The following MACROD2 variants were observed in gnomAD, a reference collection of about 807,000 sequenced individuals.
MACROD2 encodes ADP-ribose glycohydrolase MACROD2.
MACROD2 carries 36 observed loss-of-function variants against 70.4 expected under a neutral mutation model. The observed-to-expected ratio is 0.51, with a 90% CI of 0.39 to 0.68. The LOEUF (loss-of-function observed/expected upper bound fraction) is 0.68. MACROD2 is among the 30% of genes least tolerant of loss of function. The probability of loss-of-function intolerance (pLI) is 0.00; values close to 1 mark genes in which losing one functional copy is unlikely to be tolerated. For missense variants in MACROD2, 496 were observed against 538.4 expected, an observed-to-expected ratio of 0.92 and a Z score of 0.78; for synonymous variants, 172 against 178.8, an observed-to-expected ratio of 0.96 and a Z score of 0.30.
At chr20:14,207,586 G>C (rs1229254363) in intron 3 of MACROD2, among the ~76,000 whole-genome samples, 1 of 152,162 alleles carries the variant, frequency 6.6e-6, no homozygotes, top group African/African-American at 2.4e-5. Context: ...AGAATTCTGT[G>C]AGGAATTCCT....
chr20:14,529,918 G>C (rs193120218), intron 4 of MACROD2, among the ~76,000 whole-genome samples: 1 of 152,150 alleles, frequency 6.6e-6, no homozygotes, highest in Non-Finnish European at 1.5e-5. Context: ...CCATGTTTTA[G>C]GTTGGGTTGC....
intron 3 of MACROD2, among the ~76,000 whole-genome samples, chr20:14,128,802 T>C (rs2054683825): frequency 6.6e-6 from 1 of 152,152 alleles, no homozygotes; most frequent in Admixed American, 6.5e-5. Flanking sequence ...TGATGCTGAA[T>C]CTACTCTGCC....
chr20:15,950,697 A>G (rs1221187009), intron 12 of MACROD2, among the ~76,000 whole-genome samples: 1 of 152,154 alleles, frequency 6.6e-6, no homozygotes, highest in Non-Finnish European at 1.5e-5. Context: ...AGATATTCCC[A>G]TGTTTAAAAT....
chr20:15,712,649 C>T (rs1195912142), intron 8 of MACROD2, among the ~76,000 whole-genome samples: 1 of 152,178 alleles, frequency 6.6e-6, no homozygotes, highest in Non-Finnish European at 1.5e-5. Context: ...ATTTTGGCTT[C>T]CAGTGCCTGT....
chr20:14,055,348 A>C (rs1236118594), intron 2 of MACROD2, among the ~76,000 whole-genome samples: 2 of 151,826 alleles, frequency 1.3e-5, no homozygotes, highest in East Asian at 3.9e-4. Flanking sequence ...CGATTTCCAA[A>C]AATGCATTAA....
chr20:14,606,719 T>C (rs191468123), intron 4 of MACROD2, among the ~76,000 whole-genome samples: 1 of 152,150 alleles, frequency 6.6e-6, no homozygotes, highest in Non-Finnish European at 1.5e-5. Context: ...TAAAATTTTT[T>C]TGTGTGTGTG....
chr20:14,501,796 C>A (rs1371784490), intron 4 of MACROD2, among the ~76,000 whole-genome samples: 1 of 152,034 alleles, frequency 6.6e-6, no homozygotes, highest in East Asian at 1.9e-4. Context: ...GGTAAAAATT[C>A]TAGGCTCTTA....
intron 5 of MACROD2, among the ~76,000 whole-genome samples, chr20:15,146,483 AAT>A (rs1474963825): frequency 1.3e-5 from 2 of 152,134 alleles, no homozygotes; most frequent in East Asian, 3.8e-4. Context: ...ATGTAAAGCT[AAT>A]TTTATCATAT....
rs533646681 is a variant in MACROD2, at chr20:14,934,513, A to G, written c.418+249554A>G. ...TCAGAAAAGGTTTAACAGGCTGGAT[A>G]TGGTGGGTCATGCCTATAATCCCAG... On this transcript the variant is annotated intron_variant, in intron 5 of 17. Transcript: ENST00000684519. 6.6e-5 allele frequency among the ~76,000 whole-genome samples: 10 copies of G among 152,282 alleles called. No individual in the cohort carries two copies. The South Asian group carries it at 2.1e-3, about 32-fold the overall frequency.
At chr20:14,209,697 G>C (rs2081555108) in intron 3 of MACROD2, among the ~76,000 whole-genome samples, 1 of 152,106 alleles carries the variant, frequency 6.6e-6, no homozygotes, top group Non-Finnish European at 1.5e-5. Context: ...GGTTACCCTA[G>C]GTACTGTAGG....
intron 4 of MACROD2, among the ~76,000 whole-genome samples, chr20:14,628,289 A>G (rs901127270): frequency 3.3e-5 from 5 of 152,182 alleles, no homozygotes; most frequent in Admixed American, 6.6e-5. Flanking sequence ...ACTGTAGTCT[A>G]GTGGATGTAG....
intron 3 of MACROD2, among the ~76,000 whole-genome samples, chr20:14,487,227 C>A (rs2084745909): frequency 6.6e-6 from 1 of 152,192 alleles, no homozygotes; most frequent in Non-Finnish European, 1.5e-5. Flanking sequence ...ATTTACTGAC[C>A]CTTGGCATGT....
At chr20:15,773,289 C>G (rs188125456) in intron 8 of MACROD2, among the ~76,000 whole-genome samples, 1 of 152,110 alleles carries the variant, frequency 6.6e-6, no homozygotes, top group African/African-American at 2.4e-5. Flanking sequence ...AGTTGTAAAT[C>G]AGGGAGTGCT....
intron 5 of MACROD2, among the ~76,000 whole-genome samples, chr20:15,130,140 A>G (rs2076094755): frequency 6.6e-6 from 1 of 152,142 alleles, no homozygotes; most frequent in Non-Finnish European, 1.5e-5. Context: ...ATTGTGAACA[A>G]GATTCTCTTG....
intron 4 of MACROD2, among the ~76,000 whole-genome samples, chr20:14,576,462 A>G (rs1370261519): frequency 6.6e-6 from 1 of 152,186 alleles, no homozygotes; most frequent in Non-Finnish European, 1.5e-5. Context: ...AATCTCTGCT[A>G]CTGGATTGAA....
intron 4 of MACROD2, among the ~76,000 whole-genome samples, chr20:14,683,134 C>T (rs932321577): frequency 3.3e-5 from 5 of 152,162 alleles, no homozygotes; most frequent in African/African-American, 1.2e-4. Context: ...CCGCCTCAGC[C>T]TCCTAAAGTG....
chr20:14,829,012 G>T (rs1387883617), intron 5 of MACROD2, among the ~76,000 whole-genome samples: 1 of 144,634 alleles, frequency 6.9e-6, no homozygotes, highest in Non-Finnish European at 1.5e-5. Context: ...ATGGTAGTTT[G>T]CTGTGCCTAT....
At chr20:15,427,494 A>G (rs578182362) in intron 6 of MACROD2, among the ~76,000 whole-genome samples, 1 of 151,118 alleles carries the variant, frequency 6.6e-6, no homozygotes, top group South Asian at 2.1e-4. Context: ...TCTAAGACAG[A>G]GTTTAGAATG....
chr20:14,453,060 G>A (rs1256832238), intron 3 of MACROD2, among the ~76,000 whole-genome samples: 1 of 152,090 alleles, frequency 6.6e-6, no homozygotes. Flanking sequence ...TAAAGAAAGA[G>A]GTTTTGAAGG....
Sources: gnomAD v4.1 joint callset for allele counts (sites outside exome capture counted in the v4.1 genomes callset) on GRCh38, gnomAD v4.1.1 for gene constraint, MANE v1.5 for transcripts, NCBI Gene and HGNC (gene_info 2026-07-23, HGNC 2026-07-21) for gene names.